GRN: variants seen among roughly 807,000 people sequenced by gnomAD.
GRN encodes the protein granulin precursor.
In GRN, 30 loss-of-function variants were observed where a neutral mutation model predicts 66.7. That is an observed-to-expected ratio of 0.45 (90% CI 0.34 to 0.61). The LOEUF (loss-of-function observed/expected upper bound fraction) is 0.61. GRN is among the 20% of genes least tolerant of loss of function. The pLI, the probability that GRN is intolerant of heterozygous loss-of-function variation, is 0.01. For missense variants in GRN, 731 were observed against 803.5 expected (o/e 0.91, Z 1.09); for synonymous variants, 327 against 311.1 (o/e 1.05, Z -0.54).
rs775440171 is a variant in GRN at position 44,352,810 on chromosome 17, G to T, written c.*12G>T. On this transcript the variant is annotated 3_prime_UTR_variant, in exon 13 of 13. Transcript: ENST00000053867. ...GACAGCTGCTGTGAGGGACAGTACT[G>T]AAGACTCTGCAGCCCTCGGGACCCC... is the stretch of plus-strand genomic sequence containing the variant. The T allele has an allele frequency of 1.2e-6, 2 of 1,610,110 alleles. No individual in the cohort carries two copies. Among genetic ancestry groups the T allele is most frequent in the Non-Finnish European group, 1.7e-6 (2 of 1,179,850 alleles).
chr17:44,350,282 A>G lies in GRN; in HGVS notation c.404A>G (p.Asp135Gly). Residue 135 changes from aspartate to glycine, a missense_variant, in exon 5 of 13, where the codon GAC becomes GGC. By Grantham distance (94) the Asp-to-Gly change is moderately conservative (BLOSUM62 -1). Transcript: ENST00000053867. ...QCPDSQFECP[D>G]FSTCCVMVDG... is the part of the protein sequence containing the mutation. ...CCTGATAGTCAGTTCGAATGCCCGG[A>G]CTTCTCCACGTGCTGTGTTATGGTC... is the stretch of plus-strand genomic sequence containing the variant. 1 of 1,613,026 alleles carries G rather than the reference A, an allele frequency of 6.2e-7. No individual in the cohort carries two copies. Among genetic ancestry groups the G allele is most frequent in the East Asian group, 2.2e-5 (1 of 44,846 alleles).
rs757346713 is a variant in GRN at position 44,349,223 on chromosome 17, G to A, written c.59G>A (p.Cys20Tyr). 3 of 1,614,030 alleles carry A rather than the reference G, an allele frequency of 1.9e-6. No individual in the cohort carries two copies. Among genetic ancestry groups the A allele is most frequent in the South Asian group, 1.1e-5 (1 of 91,082 alleles). The change falls in exon 2 of 13, where the codon TGC becomes TAC. Residue 20 changes from cysteine to tyrosine, a missense_variant. Coordinates refer to ENST00000053867, the MANE Select transcript of GRN (RefSeq NM_002087.4). ...LTAGLVAGTR[C>Y]PDGQFCPVAC... The stretch of plus-strand genomic sequence containing the variant: ...GCAGGGCTGGTGGCTGGAACGCGGT[G>A]CCCAGATGGTCAGTTCTGCCCTGTG...
intron 4 of GRN, 194 bp downstream of exon 4, chr17:44,349,945 G>C (rs2048356191): frequency 1.6e-6 from 1 of 640,936 alleles, no homozygotes; most frequent in South Asian, 1.8e-5. Context: ...GAAAGTGCAA[G>C]ACTCCAGGTC....
chr17:44,350,396 G>T (rs765805819), intron 5 of GRN, 46 bp from the exon 6 acceptor site: 2 of 1,409,688 alleles, frequency 1.4e-6, no homozygotes, highest in Non-Finnish European at 9.9e-7. Flanking sequence ...AGAGTTGGGG[G>T]CCAGGGGCAG....
At chr17:44,350,411 T>C (rs747086746) in intron 5 of GRN, 31 bp from the exon 6 acceptor site, 1 of 1,609,504 alleles carries the variant, frequency 6.2e-7, no homozygotes, top group South Asian at 1.1e-5. Flanking sequence ...GGGCAGGGGG[T>C]GAAGACGGAG....
In GRN at chr17:44,349,557, C is replaced by CT; in HGVS notation, c.264+6_264+7insT. 4.3e-6 allele frequency: 7 copies of CT among 1,614,128 alleles called. No homozygotes were observed. The highest frequency in any genetic ancestry group is 5.9e-6 in the Non-Finnish European group (7 of 1,180,018). ...GTTGCTGCCCCTTCCCAGAGGTGAG[C>CT]GTGCCATCAGCCCAGTGGAGGGGCT... On this transcript the variant is annotated splice_region_variant and intron_variant, in intron 3 of 12. Transcript: ENST00000053867.
At position 44,352,969 on chromosome 17, in the gene GRN, T is replaced by A. The variant is rs2048393984; in HGVS notation, c.*171T>A. ...TAAGGCCTTCCCTGTCAGAAGGGGG[T>A]TGTGGCAAAAGCCACATTACAAGCT... On this transcript the variant is annotated 3_prime_UTR_variant, in exon 13 of 13. Coordinates refer to ENST00000053867, the MANE Select transcript of GRN (RefSeq NM_002087.4). 1.5e-6 allele frequency: 1 copy of A among 685,210 alleles called. No individual in the cohort carries two copies. Among genetic ancestry groups the A allele is most frequent in the Admixed American group, 2.5e-5 (1 of 40,804 alleles). 42.4% of individuals were successfully genotyped at this position (685,210 alleles called of 1,614,324 possible). A position where few individuals can be genotyped will look rare whatever the true frequency, so the allele number is the denominator to read the frequency against.
At chr17:44,346,708 C>T (rs1427685335) in intron 1 of GRN, among the ~76,000 whole-genome samples, 1 of 152,148 alleles carries the variant, frequency 6.6e-6, no homozygotes, top group African/African-American at 2.4e-5. Flanking sequence ...GAACTGGTTC[C>T]AGGACCCCAA....
rs1416699369 is a variant in GRN at position 44,350,752 on chromosome 17, C to T, written c.660C>T (p.Thr220=). 3 of 1,614,022 alleles carry T rather than the reference C, an allele frequency of 1.9e-6. No individual in the cohort carries two copies. The highest frequency in any genetic ancestry group is 1.1e-5 in the South Asian group (1 of 91,086). ...GGTCCCGGTGCCCTGATGGTTCTACCTGCTGTGAGCTGCCCAGTGGGAAGT... is the reference window on the plus strand; with the variant it reads ...GGTCCCGGTGCCCTGATGGTTCTACTTGCTGTGAGCTGCCCAGTGGGAAGT... ...DARSRCPDGS[T]CCELPSGKYG... Residue 220 remains threonine, a synonymous_variant, in exon 7 of 13, where the codon ACC becomes ACT. Coordinates refer to ENST00000053867, the MANE Select transcript of GRN (RefSeq NM_002087.4).
In GRN at chr17:44,351,537, TC is replaced by T; in HGVS notation, c.934-12del. On this transcript the variant is annotated splice_polypyrimidine_tract_variant and intron_variant, in intron 9 of 12. Coordinates refer to ENST00000053867, the MANE Select transcript of GRN (RefSeq NM_002087.4). ...GGCCCCAGTGCCCACCTGCCCTTCT[TC>T]ATCTGCCCTAGGCTGTGTGCTGTGA... The T allele has an allele frequency of 6.2e-7, 1 of 1,613,954 alleles. No individual in the cohort carries two copies. Among genetic ancestry groups the T allele is most frequent in the Non-Finnish European group, 8.5e-7 (1 of 1,179,980 alleles).
Position 44,350,748 on chromosome 17 carries a change from C to G in GRN, c.656C>G (p.Ser219Cys), listed in dbSNP as rs1475885318. The G allele has an allele frequency of 6.2e-7, 1 of 1,614,062 alleles. No homozygotes were observed. Among genetic ancestry groups the G allele is most frequent in the Non-Finnish European group, 8.5e-7 (1 of 1,179,916 alleles). ...PDARSRCPDG[S>C]TCCELPSGKY... ...GCACGGTCCCGGTGCCCTGATGGTT[C>G]TACCTGCTGTGAGCTGCCCAGTGGG... The change falls in exon 7 of 13, where the codon TCT (serine) becomes TGT (cysteine). Residue 219 changes from serine to cysteine, a missense_variant. This residue lies in a region of GRN where 370 missense variants were observed against 379.8 expected (regional missense o/e 0.97). Transcript: ENST00000053867.
Position 44,351,371 on chromosome 17 carries a change from G to A in GRN, c.844G>A (p.Val282Met), listed in dbSNP as rs1168329835. 6.2e-6 allele frequency: 10 copies of A among 1,612,602 alleles called. No homozygotes were observed. The highest frequency in any genetic ancestry group is 2.7e-5 in the African/African-American group (2 of 74,894). The change falls in exon 9 of 13, where the codon GTG becomes ATG. Residue 282 changes from valine (V) to methionine (M), a missense_variant. Physicochemically the swap from Val to Met is conservative, Grantham distance 21 (BLOSUM62 1). Around this residue, in one of 3 missense-constraint regions of GRN, gnomAD observed 370 missense variants for 379.8 expected, o/e 0.97. Transcript: ENST00000053867. ...CTCTGCTTCCCTCACAGTGGGGGAT[G>A]TGAAATGTGACATGGAGGTGAGCTG... Reference protein sequence around the residue: ...TKLPAHTVGDVKCDMEVSCPD... With the variant: ...TKLPAHTVGDMKCDMEVSCPD...
chr17:44,352,061 C>T lies in GRN; in HGVS notation c.1226C>T (p.Thr409Met), dbSNP rs373885474. The change falls in exon 11 of 13, where the codon ACG becomes ATG. Residue 409 changes from threonine to methionine, a missense_variant. Coordinates refer to ENST00000053867, the MANE Select transcript of GRN (RefSeq NM_002087.4). ...DHQHCCPQGY[T>M]CVAEGQCQRG... ...CAGCACTGCTGCCCCCAGGGCTACA[C>T]GTGTGTAGCTGAGGGGCAGTGTCAG... The T allele has an allele frequency of 1.0e-4, 166 of 1,613,638 alleles. No individual in the cohort carries two copies. The highest frequency in any genetic ancestry group is 6.0e-4 in the East Asian group (27 of 44,892).
At position 44,349,572 on chromosome 17, in the gene GRN, G is replaced by A. The variant is rs9897526; in HGVS notation, c.264+21G>A. On this transcript the variant is annotated intron_variant, in intron 3 of 12. Coordinates refer to ENST00000053867, the MANE Select transcript of GRN (RefSeq NM_002087.4). ...CAGAGGTGAGCGTGCCATCAGCCCA[G>A]TGGAGGGGCTTAGGTCTGCATTTAT... 0.14 allele frequency: 221,335 copies of A among 1,613,786 alleles called. 19,862 individuals are homozygous for A. Among genetic ancestry groups the A allele is most frequent in the African/African-American group, 0.4 (29,819 of 74,994 alleles).
At chr17:44,346,908 G>C (rs1266568133) in intron 1 of GRN, among the ~76,000 whole-genome samples, 4 of 152,160 alleles carry the variant, frequency 2.6e-5, no homozygotes, top group African/African-American at 9.7e-5. Flanking sequence ...CTGAGGTCTG[G>C]AGTTTGAGAC....
Position 44,352,042 on chromosome 17 carries a change from T to G in GRN, c.1207T>G (p.Cys403Gly), listed in dbSNP as rs747871140. The change falls in exon 11 of 13, where the codon TGC becomes GGC. Residue 403 changes from cysteine (C) to glycine (G), a missense_variant. By Grantham distance (159) the Cys-to-Gly change is radical. This residue lies in a region of GRN where 319 missense variants were observed against 347.2 expected (regional missense o/e 0.92). Coordinates refer to ENST00000053867, the MANE Select transcript of GRN (RefSeq NM_002087.4). ...TGTCTGCTGCTCGGACCACCAGCAC[T>G]GCTGCCCCCAGGGCTACACGTGTGT... ...EAVCCSDHQH[C>G]CPQGYTCVAE... 2.8e-5 allele frequency: 45 copies of G among 1,613,416 alleles called. No homozygotes were observed. The highest frequency in any genetic ancestry group is 3.4e-6 in the Non-Finnish European group (4 of 1,179,912).
In GRN at chr17:44,351,132, G is replaced by A. The variant is rs63750229; in HGVS notation, c.804G>A (p.Thr268=). Residue 268 remains threonine (T), a synonymous_variant, in exon 8 of 13, where the codon ACG becomes ACA. Coordinates refer to ENST00000053867, the MANE Select transcript of GRN (RefSeq NM_002087.4). The part of the protein sequence containing the change: ...SKCLSKENAT[T]DLLTKLPAHT... The stretch of plus-strand genomic sequence containing the variant: ...GCCTCTCCAAGGAGAACGCTACCAC[G>A]GACCTCCTCACTAAGCTGCCTGCGC... 22 of 1,614,102 alleles carry A rather than the reference G, an allele frequency of 1.4e-5. No homozygotes were observed. The highest frequency in any genetic ancestry group is 1.7e-5 in the Non-Finnish European group (20 of 1,179,988).
intron 4 of GRN, 84 bp from the exon 5 acceptor site, chr17:44,350,144 C>A: frequency 1.0e-6 from 1 of 962,434 alleles, no homozygotes; most frequent in Non-Finnish European, 1.7e-6. Context: ...GGCTTGCAGG[C>A]CCTGGTGCCA....
Position 44,352,683 on chromosome 17 carries a change from G to A in GRN, c.1667G>A (p.Arg556His), listed in dbSNP as rs761062762. ...CAGGGCGTCTGTTGTGCTGATCGGC[G>A]CCACTGCTGTCCTGCTGGCTTCCGC... Reference protein sequence around the residue: ...YRQGVCCADRRHCCPAGFRCA... With the variant: ...YRQGVCCADRHHCCPAGFRCA... Residue 556 changes from arginine to histidine, a missense_variant, in exon 13 of 13, where the codon CGC becomes CAC. Physicochemically the swap from Arg to His is conservative, Grantham distance 29. Coordinates refer to ENST00000053867, the MANE Select transcript of GRN (RefSeq NM_002087.4). 7.5e-6 allele frequency: 12 copies of A among 1,609,916 alleles called. No individual in the cohort carries two copies. Among genetic ancestry groups the A allele is most frequent in the Admixed American group, 1.7e-5 (1 of 60,010 alleles).
Sources: allele counts gnomAD v4.1 joint callset (sites outside exome capture counted in the v4.1 genomes callset), GRCh38; gene constraint gnomAD v4.1.1; regional missense constraint gnomAD v4.1.1; transcripts MANE v1.5; gene names NCBI Gene and HGNC (gene_info 2026-07-23, HGNC 2026-07-21).